The following LPP variants were observed in gnomAD, a reference collection of about 807,000 sequenced individuals.
The protein encoded by LPP is LIM domain containing preferred translocation partner in lipoma.
Under a neutral mutation model 60.4 loss-of-function variants are expected in LPP, and 38 were observed. The ratio of observed to expected loss-of-function variants is 0.63; its 90% CI spans 0.49 to 0.83. The LOEUF is 0.83. Ranked by LOEUF, LPP falls within the 40% of genes least tolerant of loss-of-function variation. The pLI is 0.00. For missense variants in LPP, 902 were observed against 783.6 expected, an observed-to-expected ratio of 1.15 and a Z score of -1.80; for synonymous variants, 328 against 290.8, an observed-to-expected ratio of 1.13 and a Z score of -1.30.
intron 3 of LPP, among the ~76,000 whole-genome samples, chr3:188,402,964 G>A (rs1353430088): frequency 6.6e-6 from 1 of 152,168 alleles, no homozygotes; most frequent in African/African-American, 2.4e-5. Flanking sequence ...ATTGTTGATG[G>A]TGAACACAGC....
chr3:188,331,401 C>T (rs1760039019), intron 2 of LPP, among the ~76,000 whole-genome samples: 1 of 152,168 alleles, frequency 6.6e-6, no homozygotes, highest in South Asian at 2.1e-4. Context: ...CAGCTCTTTG[C>T]AAGGCAATTT....
chr3:188,233,758 T>C (rs567306102), intron 2 of LPP, among the ~76,000 whole-genome samples: 1 of 152,316 alleles, frequency 6.6e-6, no homozygotes, highest in African/African-American at 2.4e-5. Context: ...TTACCATTTA[T>C]TACACTTAAG....
At chr3:188,657,995 C>T (rs905006855) in intron 7 of LPP, among the ~76,000 whole-genome samples, 3 of 152,154 alleles carry the variant, frequency 2.0e-5, no homozygotes, top group African/African-American at 7.2e-5. Context: ...AACCTTAGAA[C>T]TTTGTGACTG....
chr3:188,639,034 C>T (rs1189953304), intron 7 of LPP, among the ~76,000 whole-genome samples: 40 of 150,546 alleles, frequency 2.7e-4, no homozygotes, highest in Middle Eastern at 3.4e-3. Context: ...TCATATGGAA[C>T]CAAAAAAGAG....
intron 2 of LPP, among the ~76,000 whole-genome samples, chr3:188,241,287 C>T (rs562374801): frequency 3.3e-5 from 5 of 152,332 alleles, no homozygotes; most frequent in South Asian, 2.1e-4. Flanking sequence ...GTTTCTCCAG[C>T]TGATCCTGCA....
chr3:188,379,750 ATGTT>A (rs776206186), intron 3 of LPP, among the ~76,000 whole-genome samples: 2 of 152,182 alleles, frequency 1.3e-5, no homozygotes, highest in Non-Finnish European at 2.9e-5. Context: ...AGATTCATCT[ATGTT>A]GCAGCATGAT....
At chr3:188,394,730 A>C (rs981801421) in intron 3 of LPP, among the ~76,000 whole-genome samples, 5 of 152,152 alleles carry the variant, frequency 3.3e-5, no homozygotes, top group Admixed American at 2.0e-4. Flanking sequence ...TAAAAGGGAT[A>C]ATGTCCATAG....
At chr3:188,398,669 G>A (rs961227654) in intron 3 of LPP, among the ~76,000 whole-genome samples, 1 of 152,198 alleles carries the variant, frequency 6.6e-6, no homozygotes, top group Non-Finnish European at 1.5e-5. Context: ...ACTAACAATT[G>A]TGTGTAATTT....
chr3:188,469,352 G>A (rs887009506), intron 4 of LPP, among the ~76,000 whole-genome samples: 9 of 151,556 alleles, frequency 5.9e-5, no homozygotes, highest in African/African-American at 1.7e-4. Flanking sequence ...TGTGGTGGTT[G>A]TGGTGGTGGC....
intron 11 of LPP, among the ~76,000 whole-genome samples, chr3:188,873,755 C>G (rs1356549095): frequency 1.3e-5 from 2 of 152,178 alleles, no homozygotes; most frequent in African/African-American, 4.8e-5. Context: ...AATCTTTGCT[C>G]TCCACAATGC....
intron 5 of LPP, among the ~76,000 whole-genome samples, chr3:188,491,557 T>C (rs1808387994): frequency 6.6e-6 from 1 of 152,126 alleles, no homozygotes; most frequent in African/African-American, 2.4e-5. Context: ...ACAGCAACAG[T>C]AGCAGCAGCA....
At chr3:188,294,997 C>T (rs931566216) in intron 2 of LPP, among the ~76,000 whole-genome samples, 24 of 152,164 alleles carry the variant, frequency 1.6e-4, no homozygotes, top group Non-Finnish European at 2.9e-4. Context: ...GTATAGACAG[C>T]TTTTCCCATC....
At chr3:188,765,858 ACTCTTT>A in intron 9 of LPP, among the ~76,000 whole-genome samples, 1 of 101,418 alleles carries the variant, frequency 9.9e-6, no homozygotes, top group Non-Finnish European at 2.0e-5. Context: ...TTAATGTTCA[ACTCTTT>A]TTTTTTTTTT....
At chr3:188,558,740 C>G (rs1293175932) in intron 6 of LPP, among the ~76,000 whole-genome samples, 1 of 152,006 alleles carries the variant, frequency 6.6e-6, no homozygotes, top group African/African-American at 2.4e-5. Flanking sequence ...CCATTTCTAC[C>G]TCCCACTTGC....
At chr3:188,658,166 C>T (rs1484543936) in intron 7 of LPP, among the ~76,000 whole-genome samples, 1 of 1,948 alleles carries the variant, frequency 5.1e-4, no homozygotes, top group Non-Finnish European at 2.8e-3. Flanking sequence ...GTTTTAACGA[C>T]AGAGTCTTGC....
At chr3:188,668,377 G>A (rs1856255911) in intron 7 of LPP, among the ~76,000 whole-genome samples, 1 of 152,166 alleles carries the variant, frequency 6.6e-6, no homozygotes, top group African/African-American at 2.4e-5. Flanking sequence ...GTGTTGGGAG[G>A]TGTTTATATC....
intron 8 of LPP, among the ~76,000 whole-genome samples, chr3:188,726,788 T>A (rs1718566782): frequency 6.6e-6 from 1 of 152,192 alleles, no homozygotes; most frequent in Admixed American, 6.5e-5. Context: ...CATAAACATT[T>A]ACAAGCACAT....
At chr3:188,413,143 T>C (rs1345003088) in intron 4 of LPP, among the ~76,000 whole-genome samples, 1 of 152,118 alleles carries the variant, frequency 6.6e-6, no homozygotes, top group Non-Finnish European at 1.5e-5. Context: ...ATAACTAACA[T>C]GTGAGGGAAA....
chr3:188,412,679 T>G (rs756257113), intron 4 of LPP, among the ~76,000 whole-genome samples: 7 of 152,200 alleles, frequency 4.6e-5, no homozygotes, highest in Non-Finnish European at 1.0e-4. Context: ...ATTTTATTAT[T>G]TCATGATTCT....
Sources: allele counts gnomAD v4.1 joint callset (sites outside exome capture counted in the v4.1 genomes callset), GRCh38; gene constraint gnomAD v4.1.1; transcripts MANE v1.5; gene names NCBI Gene and HGNC (gene_info 2026-07-23, HGNC 2026-07-21).